Variants in ZNF652 observed in about 807,000 individuals in gnomAD.
ZNF652 encodes the protein zinc finger protein 652.
ZNF652 carries 16 observed loss-of-function variants against 45.2 expected under a neutral mutation model. That is an observed-to-expected ratio of 0.35 (90% CI 0.24 to 0.54). The LOEUF is 0.54. ZNF652 is among the 20% of genes least tolerant of loss of function. The pLI is 0.91. For missense variants in ZNF652, 614 were observed against 765.6 expected (o/e 0.80, Z 2.34); for synonymous variants, 250 against 260.6 (o/e 0.96, Z 0.39).
Position 49,312,739 on chromosome 17 carries a change from T to C in ZNF652, c.1007A>G (p.Lys336Arg). Residue 336 changes from lysine (K) to arginine (R), a missense_variant, in exon 3 of 6, where the codon AAG becomes AGG. This residue lies in a region of ZNF652 where 262 missense variants were observed against 306.3 expected (regional missense o/e 0.86). Coordinates refer to ENST00000430262, the MANE Select transcript of ZNF652 (RefSeq NM_001145365.3). The stretch of plus-strand genomic sequence containing the variant: ...CACATGAGCCATGGTATAGAATTTC[T>C]TCTCACAAATTTCACAGGAAAATTT... ...EKKFSCEICE[K>R]KFYTMAHVRK... 6.2e-7 allele frequency: 1 copy of C among 1,614,168 alleles called. No individual in the cohort carries two copies. Among genetic ancestry groups the C allele is most frequent in the Non-Finnish European group, 8.5e-7 (1 of 1,180,016 alleles).
intron 1 of ZNF652, among the ~76,000 whole-genome samples, chr17:49,350,970 CATATATAT>C (rs372720324): frequency 0.11 from 4,717 of 42,186 alleles, 192 homozygotes; most frequent in Non-Finnish European, 0.16. Context: ...ACTCTGTCTA[CATATATAT>C]ATATATATAT....
chr17:49,342,711 T>C (rs1028708923), intron 1 of ZNF652, among the ~76,000 whole-genome samples: 1 of 152,028 alleles, frequency 6.6e-6, no homozygotes, highest in African/African-American at 2.4e-5. Context: ...AACTCAAGGC[T>C]GAACTATAGA....
In ZNF652 at chr17:49,291,077, A is replaced by G. The variant is rs2069398965; in HGVS notation, c.*7336T>C. 1 of 152,254 alleles carries G rather than the reference A, an allele frequency of 6.6e-6. No homozygotes were observed. The highest frequency in any genetic ancestry group is 1.5e-5 in the Non-Finnish European group (1 of 68,040). 9.4% of individuals were successfully genotyped at this position (152,254 alleles called of 1,614,324 possible). A position where few individuals can be genotyped will look rare whatever the true frequency, so the allele number is the denominator to read the frequency against. On this transcript the variant is annotated 3_prime_UTR_variant, in exon 6 of 6. Transcript: ENST00000430262. ...GACAACTTAAGAAGTAAACACCAAA[A>G]TTATGTCACACTGTTTCTTTTTAAA...
In ZNF652 at chr17:49,292,672, CA is replaced by C. The variant is rs1598274797; in HGVS notation, c.*5740del. Among the ~76,000 whole-genome samples the C allele has an allele frequency of 6.6e-6, 1 of 152,036 alleles. No individual in the cohort carries two copies. Among genetic ancestry groups the C allele is most frequent in the East Asian group, 1.9e-4 (1 of 5,194 alleles). ...AGTTGAGAAAAAGGTGTTCAAAAGA[CA>C]TTCAATGACCTTTAATTTTAAAGGA... On this transcript the variant is annotated 3_prime_UTR_variant, in exon 6 of 6. Transcript: ENST00000430262.
At chr17:49,308,254 G>A (rs1254382026) in intron 5 of ZNF652, among the ~76,000 whole-genome samples, 1 of 151,890 alleles carries the variant, frequency 6.6e-6, no homozygotes, top group African/African-American at 2.4e-5. Flanking sequence ...ACAGCTCACT[G>A]CAGCCTCGAT....
chr17:49,340,633 C>T (rs2070135998), intron 1 of ZNF652, among the ~76,000 whole-genome samples: 2 of 147,994 alleles, frequency 1.4e-5, no homozygotes, highest in Admixed American at 6.7e-5. Flanking sequence ...CTTTTAAAAA[C>T]TGGTTGGCAT....
At position 49,329,803 on chromosome 17, in the gene ZNF652, C is replaced by T. The variant is rs531281756; in HGVS notation, c.-258-11820G>A. ...CTAGTAAAAGAGGACAAAGGAGAGA[C>T]GCACTCTTCCTAGGTACTACCTAAT... On this transcript the variant is annotated intron_variant, in intron 1 of 5. Coordinates refer to ENST00000430262, the MANE Select transcript of ZNF652 (RefSeq NM_001145365.3). Among the ~76,000 whole-genome samples, 8 of 152,298 alleles carry T rather than the reference C, an allele frequency of 5.3e-5. 1 individual carries two copies. The South Asian group carries it at 6.2e-4, about 12-fold the overall frequency.
intron 1 of ZNF652, among the ~76,000 whole-genome samples, chr17:49,351,014 T>TAC (rs370792940): frequency 0.022 from 635 of 29,376 alleles, 7 homozygotes; most frequent in East Asian, 0.047. Flanking sequence ...TATATATATA[T>TAC]ACACACACAC....
chr17:49,322,535 A>G (rs2069906668), intron 1 of ZNF652: 2 of 152,220 alleles, frequency 1.3e-5, no homozygotes, highest in African/African-American at 4.8e-5. Flanking sequence ...ACCTCAATAA[A>G]GCAAGTCACA....
chr17:49,355,569 C>T (rs148671386), intron 1 of ZNF652, among the ~76,000 whole-genome samples: 2,336 of 151,232 alleles, frequency 0.015, 26 homozygotes, highest in Non-Finnish European at 0.02. Flanking sequence ...AGAGTGAGAC[C>T]CTGTCTCAAA....
intron 1 of ZNF652, among the ~76,000 whole-genome samples, chr17:49,351,012 T>TACAC (rs1567700249): frequency 3.0e-4 from 6 of 20,286 alleles, no homozygotes; most frequent in Admixed American, 1.0e-3. Context: ...TATATATATA[T>TACAC]ATACACACAC....
intron 1 of ZNF652, among the ~76,000 whole-genome samples, chr17:49,323,638 G>A (rs1222381432): frequency 1.3e-5 from 2 of 152,090 alleles, no homozygotes; most frequent in Non-Finnish European, 2.9e-5. Context: ...AAGACTAGGA[G>A]GTAAAAATTA....
intron 5 of ZNF652, among the ~76,000 whole-genome samples, chr17:49,300,559 T>C (rs957272150): frequency 6.6e-6 from 1 of 152,234 alleles, no homozygotes; most frequent in African/African-American, 2.4e-5. Flanking sequence ...TATATGTCCA[T>C]CAATCATTTT....
chr17:49,309,541 C>T (rs1026314247), intron 5 of ZNF652, among the ~76,000 whole-genome samples: 2 of 151,090 alleles, frequency 1.3e-5, no homozygotes, highest in African/African-American at 4.8e-5. Context: ...ACCAAAAAAC[C>T]CCCCAAAACT....
At chr17:49,341,009 A>G (rs745943082) in intron 1 of ZNF652, among the ~76,000 whole-genome samples, 10 of 152,132 alleles carry the variant, frequency 6.6e-5, no homozygotes, top group Non-Finnish European at 1.5e-4. Flanking sequence ...TCAAGCCAGG[A>G]GTTCGAGATC....
chr17:49,289,404 T>A lies in ZNF652; in HGVS notation c.*9009A>T, dbSNP rs2069375221. ...TAGTTTTAACAATCTATAAATTTTT[T>A]ATACTTAAAATCATGATTGAGTTGA... On this transcript the variant is annotated 3_prime_UTR_variant, in exon 6 of 6. Coordinates refer to ENST00000430262, the MANE Select transcript of ZNF652 (RefSeq NM_001145365.3). 1 of 152,210 alleles carries A rather than the reference T, an allele frequency of 6.6e-6. No individual in the cohort carries two copies. The highest frequency in any genetic ancestry group is 1.5e-5 in the Non-Finnish European group (1 of 68,040). The allele number at this position is 152,210 out of a possible 1,614,324, so 9.4% of individuals were successfully genotyped here.
chr17:49,357,623 C>T (rs891689571), intron 1 of ZNF652, among the ~76,000 whole-genome samples: 12 of 152,178 alleles, frequency 7.9e-5, no homozygotes, highest in African/African-American at 2.9e-4. Flanking sequence ...ACTGATATTG[C>T]CACTGATTCT....
chr17:49,311,905 C>T, intron 4 of ZNF652, 22 bp downstream of exon 4: 1 of 1,592,754 alleles, frequency 6.3e-7, no homozygotes, highest in Non-Finnish European at 8.6e-7. Flanking sequence ...AGGCCTGGGC[C>T]TGTAGGTAGC....
intron 1 of ZNF652, among the ~76,000 whole-genome samples, chr17:49,324,389 TTTTTA>T (rs1300828888): frequency 5.3e-5 from 8 of 151,176 alleles, no homozygotes; most frequent in South Asian, 2.1e-4. Flanking sequence ...TGTTTCGCCT[TTTTTA>T]TTTTATTTTT....
Sources: gnomAD v4.1 joint callset for allele counts (sites outside exome capture counted in the v4.1 genomes callset) on GRCh38, gnomAD v4.1.1 for gene constraint, gnomAD v4.1.1 regional missense constraint, MANE v1.5 for transcripts, NCBI Gene and HGNC (gene_info 2026-07-23, HGNC 2026-07-21) for gene names.